ADORA2B: variants seen among roughly 807,000 people sequenced by gnomAD.
ADORA2B encodes the protein adenosine receptor A2b.
ADORA2B carries 18 observed loss-of-function variants against 20.8 expected under a neutral mutation model. The observed-to-expected ratio is 0.87, with a 90% CI of 0.60 to 1.29. The LOEUF is 1.29. Ranked by LOEUF, ADORA2B falls within the 50% of genes most tolerant of loss-of-function variation. ADORA2B has a pLI of 0.00. For missense variants in ADORA2B, 441 were observed against 422.7 expected, an observed-to-expected ratio of 1.04 and a Z score of -0.38; for synonymous variants, 179 against 178.3, an observed-to-expected ratio of 1.00 and a Z score of -0.03.
chr17:15,868,370 A>T, the ADORA2B span, among the ~76,000 whole-genome samples: 5 of 120,490 alleles, frequency 4.1e-5, no homozygotes, highest in African/African-American at 1.8e-4. Flanking sequence ...ATGATCAATT[A>T]AAAAAAAAAA....
chr17:15,932,904 A>G, the ADORA2B span, among the ~76,000 whole-genome samples: 1 of 152,182 alleles, frequency 6.6e-6, no homozygotes, highest in Non-Finnish European at 1.5e-5. Flanking sequence ...AAAACCTAAA[A>G]ATAACAAATA....
chr17:15,963,407 G>C (rs1245957959), intron 1 of ADORA2B, among the ~76,000 whole-genome samples: 1 of 152,168 alleles, frequency 6.6e-6, no homozygotes, highest in Non-Finnish European at 1.5e-5. Flanking sequence ...TACCCCTCTT[G>C]CTGGTCGCTT....
At chr17:15,911,708 T>A in the ADORA2B span, among the ~76,000 whole-genome samples, 2 of 152,210 alleles carry the variant, frequency 1.3e-5, no homozygotes. Flanking sequence ...GTTCCCTGAC[T>A]GCCATTTTAC....
the ADORA2B span, among the ~76,000 whole-genome samples, chr17:15,919,000 C>T: frequency 3.3e-4 from 50 of 152,258 alleles, 1 homozygote; most frequent in South Asian, 0.01. Context: ...CACCAACATC[C>T]GGTTTATGGC....
chr17:15,885,804 C>T, the ADORA2B span, among the ~76,000 whole-genome samples: 1 of 151,958 alleles, frequency 6.6e-6, no homozygotes, highest in Non-Finnish European at 1.5e-5. Flanking sequence ...CTAACTTAAT[C>T]TAGCCACTTC....
the ADORA2B span, among the ~76,000 whole-genome samples, chr17:15,879,036 A>G: frequency 6.6e-6 from 1 of 152,174 alleles, no homozygotes. Context: ...TGATGAAGAG[A>G]CATTTGGCTT....
At chr17:15,927,579 G>A in the ADORA2B span, among the ~76,000 whole-genome samples, 5 of 152,040 alleles carry the variant, frequency 3.3e-5, no homozygotes, top group Non-Finnish European at 4.4e-5. Flanking sequence ...CTCAGGAGGC[G>A]GAGGTTGCAG....
the ADORA2B span, among the ~76,000 whole-genome samples, chr17:15,878,665 A>G: frequency 6.6e-6 from 1 of 152,164 alleles, no homozygotes; most frequent in Non-Finnish European, 1.5e-5. Flanking sequence ...AATGCTGGAC[A>G]TTCTTGTTTT....
At chr17:15,908,286 C>A in the ADORA2B span, among the ~76,000 whole-genome samples, 1 of 151,996 alleles carries the variant, frequency 6.6e-6, no homozygotes, top group Non-Finnish European at 1.5e-5. Flanking sequence ...TGCTGTCATA[C>A]GGTTAAAAGA....
At chr17:15,940,325 A>G (rs527710122), upstream of ADORA2B, among the ~76,000 whole-genome samples, 100 of 152,336 alleles carry the variant, frequency 6.6e-4, no homozygotes, top group African/African-American at 2.1e-3. Flanking sequence ...GCAGAGACTG[A>G]GGAGCCTCCT....
chr17:15,969,246 C>T (rs8075244), intron 1 of ADORA2B, among the ~76,000 whole-genome samples: 5,629 of 152,052 alleles, frequency 0.037, 299 homozygotes, highest in African/African-American at 0.11. Context: ...GTCAGGAGAT[C>T]GAGACCATCC....
At chr17:15,931,081 C>T in the ADORA2B span, among the ~76,000 whole-genome samples, 1 of 152,176 alleles carries the variant, frequency 6.6e-6, no homozygotes, top group South Asian at 2.1e-4. Context: ...TTTTGGGAGG[C>T]TGAGACAGGA....
At chr17:15,939,051 A>G in the ADORA2B span, among the ~76,000 whole-genome samples, 1 of 151,902 alleles carries the variant, frequency 6.6e-6, no homozygotes, top group East Asian at 1.9e-4. Flanking sequence ...TATATTATTT[A>G]TTTTTTTGAG....
At chr17:15,943,514 T>G (rs1969762870), upstream of ADORA2B, among the ~76,000 whole-genome samples, 1 of 152,170 alleles carries the variant, frequency 6.6e-6, no homozygotes, top group Admixed American at 6.5e-5. Flanking sequence ...ATTTGTTTGT[T>G]TAGAGATGGG....
chr17:15,922,786 G>C, the ADORA2B span, among the ~76,000 whole-genome samples: 3 of 152,190 alleles, frequency 2.0e-5, no homozygotes, highest in African/African-American at 7.2e-5. Flanking sequence ...GGATTAACTT[G>C]TTCTCCCATG....
chr17:15,852,194 G>A, the ADORA2B span, among the ~76,000 whole-genome samples: 8 of 152,086 alleles, frequency 5.3e-5, no homozygotes, highest in Admixed American at 5.2e-4. Context: ...TTTTACTGAA[G>A]AAAAATGTTG....
intron 1 of ADORA2B, among the ~76,000 whole-genome samples, chr17:15,958,569 G>A (rs1969998885): frequency 1.3e-5 from 2 of 152,046 alleles, no homozygotes; most frequent in Admixed American, 1.3e-4. Context: ...ACCTGGTCTG[G>A]GGCCTAGGTC....
the ADORA2B span, among the ~76,000 whole-genome samples, chr17:15,919,361 C>T: frequency 1.3e-5 from 2 of 152,210 alleles, no homozygotes; most frequent in Admixed American, 6.5e-5. Flanking sequence ...CTGCCAGCTT[C>T]TACTCACCTT....
At chr17:15,876,798 C>G in the ADORA2B span, among the ~76,000 whole-genome samples, 1 of 152,072 alleles carries the variant, frequency 6.6e-6, no homozygotes, top group African/African-American at 2.4e-5. Context: ...ACCATCTGAA[C>G]CATTTTTAAG....
Sources: allele counts gnomAD v4.1 joint callset (sites outside exome capture counted in the v4.1 genomes callset), GRCh38; gene constraint gnomAD v4.1.1; transcripts MANE v1.5; gene names NCBI Gene and HGNC (gene_info 2026-07-23, HGNC 2026-07-21).